PAG1: variants seen among roughly 807,000 people sequenced by gnomAD.
The protein encoded by PAG1 is phosphoprotein membrane anchor with glycosphingolipid microdomains 1, also known as phosphoprotein associated with glycosphingolipid-enriched microdomains 1.
A neutral mutation model predicts 31.7 loss-of-function variants in PAG1; 23 were observed. That is an observed-to-expected ratio of 0.73 (90% CI 0.52 to 1.03). The LOEUF (loss-of-function observed/expected upper bound fraction) is 1.03. PAG1 is among the 50% of genes least tolerant of loss of function. PAG1 has a pLI of 0.00. For synonymous variants in PAG1, 214 were observed against 210.3 expected (o/e 1.02, Z -0.15); for missense variants, 473 against 540.7 (o/e 0.87, Z 1.24).
chr8:81,007,636 C>CAA (rs58612249), intron 3 of PAG1, among the ~76,000 whole-genome samples: 2,923 of 49,600 alleles, frequency 0.059, 427 homozygotes, highest in African/African-American at 0.11. Flanking sequence ...GACTCTGTCT[C>CAA]AAAAAAAAAA....
intron 2 of PAG1, among the ~76,000 whole-genome samples, chr8:81,068,739 G>A (rs1039126410): frequency 2.0e-5 from 3 of 152,160 alleles, no homozygotes; most frequent in Non-Finnish European, 4.4e-5. Flanking sequence ...AGCTTCTATA[G>A]GAGGGTCAGA....
chr8:81,005,005 T>C (rs1463549813), intron 3 of PAG1, among the ~76,000 whole-genome samples: 1 of 152,192 alleles, frequency 6.6e-6, no homozygotes, highest in Non-Finnish European at 1.5e-5. Context: ...GATTTCACTT[T>C]ACAGTTAAAG....
At chr8:80,998,055 C>T (rs1256716869) in intron 3 of PAG1, among the ~76,000 whole-genome samples, 1 of 151,766 alleles carries the variant, frequency 6.6e-6, no homozygotes, top group Non-Finnish European at 1.5e-5. Flanking sequence ...TTTATATCCA[C>T]TAATTTGTTT....
At chr8:81,034,585 G>A (rs1289782788) in intron 2 of PAG1, among the ~76,000 whole-genome samples, 1 of 152,140 alleles carries the variant, frequency 6.6e-6, no homozygotes, top group Non-Finnish European at 1.5e-5. Context: ...CCATCCCAAG[G>A]AATCCCTTTC....
In PAG1 at chr8:80,969,816, T is replaced by A. The variant is rs1807039741; in HGVS notation, c.*6728A>T. 6.6e-6 allele frequency: 1 copy of A among 152,234 alleles called. No homozygotes were observed. Among genetic ancestry groups the A allele is most frequent in the South Asian group, 2.1e-4 (1 of 4,832 alleles). 9.4% of individuals were successfully genotyped at this position (152,234 alleles called of 1,614,324 possible). A position where few individuals can be genotyped will look rare whatever the true frequency, so the allele number is the denominator to read the frequency against. On this transcript the variant is annotated 3_prime_UTR_variant, in exon 9 of 9. Transcript: ENST00000220597. The stretch of plus-strand genomic sequence containing the variant: ...GAAACACCCTGGCTCCTGAAGTATG[T>A]AGAAAATGGGAACTTCAGCAGCTGC...
chr8:81,106,731 G>A (rs568596478), intron 1 of PAG1, among the ~76,000 whole-genome samples: 45 of 152,286 alleles, frequency 3.0e-4, no homozygotes, highest in African/African-American at 1.0e-3. Context: ...GGGCTCAGGG[G>A]AAGGGTTTTG....
intron 1 of PAG1, among the ~76,000 whole-genome samples, chr8:81,088,254 AC>A (rs1199999481): frequency 6.6e-6 from 1 of 152,232 alleles, no homozygotes; most frequent in Non-Finnish European, 1.5e-5. Flanking sequence ...TAGAATTACA[AC>A]TGGTTATCAA....
At chr8:80,993,066 T>C (rs570796203) in intron 4 of PAG1, 37 bp downstream of exon 4, 1 of 1,561,984 alleles carries the variant, frequency 6.4e-7, no homozygotes, top group South Asian at 1.2e-5. Context: ...GGGGATGTAT[T>C]AGTTTAAGGC....
At chr8:81,070,588 G>A (rs2130966680) in intron 1 of PAG1, among the ~76,000 whole-genome samples, 1 of 151,338 alleles carries the variant, frequency 6.6e-6, no homozygotes, top group Non-Finnish European at 1.5e-5. Flanking sequence ...GAGCCCATGT[G>A]CAATGCACAT....
chr8:81,042,674 A>C (rs1246995137), intron 2 of PAG1, among the ~76,000 whole-genome samples: 1 of 152,090 alleles, frequency 6.6e-6, no homozygotes, highest in African/African-American at 2.4e-5. Flanking sequence ...GGAAGGAGGA[A>C]CAGGAGAGTC....
At chr8:81,003,863 T>C (rs1807829159) in intron 3 of PAG1, among the ~76,000 whole-genome samples, 1 of 152,138 alleles carries the variant, frequency 6.6e-6, no homozygotes, top group Non-Finnish European at 1.5e-5. Flanking sequence ...GTCTTAGTAA[T>C]TCAGAGGCAA....
chr8:81,001,582 C>T (rs887568126), intron 3 of PAG1, among the ~76,000 whole-genome samples: 3 of 152,036 alleles, frequency 2.0e-5, no homozygotes, highest in South Asian at 2.1e-4. Flanking sequence ...CCAAGAGGCT[C>T]GCTACATACC....
chr8:80,987,480 C>T lies in PAG1; in HGVS notation c.178-14G>A. 1 of 1,557,352 alleles carries T rather than the reference C, an allele frequency of 6.4e-7. No individual in the cohort carries two copies. The highest frequency in any genetic ancestry group is 8.9e-7 in the Non-Finnish European group (1 of 1,128,764). ...CTTGTCTGAAGGCTGAAAACAAAAA[C>T]AAAAACAAAAACAAATGCATCACAT... On this transcript the variant is annotated splice_polypyrimidine_tract_variant and intron_variant, in intron 5 of 8. Coordinates refer to ENST00000220597, the MANE Select transcript of PAG1 (RefSeq NM_018440.4).
chr8:80,981,608 C>T (rs573193079), intron 7 of PAG1, among the ~76,000 whole-genome samples: 14 of 152,176 alleles, frequency 9.2e-5, no homozygotes, highest in African/African-American at 3.4e-4. Context: ...CTTAGCCCCA[C>T]CCTCAGCCTC....
At chr8:81,096,305 T>C (rs537378459) in intron 1 of PAG1, among the ~76,000 whole-genome samples, 123 of 148,648 alleles carry the variant, frequency 8.3e-4, no homozygotes, top group African/African-American at 2.1e-3. Flanking sequence ...AAAATGAACA[T>C]GCATTCTGAC....
At chr8:81,052,941 A>C (rs1024812125) in intron 2 of PAG1, among the ~76,000 whole-genome samples, 3 of 152,266 alleles carry the variant, frequency 2.0e-5, no homozygotes, top group African/African-American at 7.2e-5. Context: ...AAAGATGATA[A>C]GACAATGAGC....
intron 1 of PAG1, among the ~76,000 whole-genome samples, chr8:81,106,378 G>A (rs879684188): frequency 2.8e-5 from 4 of 142,438 alleles, no homozygotes; most frequent in African/African-American, 7.4e-5. Flanking sequence ...TTCTTCTTCC[G>A]TATTTTTTTT....
intron 3 of PAG1, among the ~76,000 whole-genome samples, chr8:81,013,487 C>T (rs998060601): frequency 1.3e-5 from 2 of 152,218 alleles, no homozygotes; most frequent in African/African-American, 4.8e-5. Flanking sequence ...GGAAATGGTG[C>T]CACCTTCAGC....
chr8:81,088,716 C>T (rs1307401548), intron 1 of PAG1, among the ~76,000 whole-genome samples: 1 of 152,160 alleles, frequency 6.6e-6, no homozygotes, highest in Non-Finnish European at 1.5e-5. Context: ...CTAACCCCAC[C>T]ACCCACCTTC....
Sources: allele counts gnomAD v4.1 joint callset (sites outside exome capture counted in the v4.1 genomes callset), GRCh38; gene constraint gnomAD v4.1.1; transcripts MANE v1.5; gene names NCBI Gene and HGNC (gene_info 2026-07-23, HGNC 2026-07-21).